ZNF248: variants seen among roughly 807,000 people sequenced by gnomAD.
ZNF248 encodes KRAB protein domain.
ZNF248 carries 20 observed loss-of-function variants against 44.3 expected under a neutral mutation model. The ratio of observed to expected loss-of-function variants is 0.45; its 90% CI spans 0.32 to 0.66. ZNF248 has a LOEUF of 0.66. Ranked by LOEUF, ZNF248 falls within the 30% of genes least tolerant of loss-of-function variation. The pLI is 0.04. For missense variants in ZNF248, 654 were observed against 677.0 expected (o/e 0.97, Z 0.38); for synonymous variants, 224 against 229.0 (o/e 0.98, Z 0.20).
At chr10:37,776,145 A>T (rs2046567361), downstream of ZNF248, 1 of 155,070 alleles carries the variant, frequency 6.4e-6, no homozygotes, top group African/African-American at 2.4e-5. Context: ...GACCATGGAG[A>T]CTGAATGTGG....
chr10:37,822,667 T>G (rs1166806650), intron 6 of ZNF248, among the ~76,000 whole-genome samples: 1 of 151,982 alleles, frequency 6.6e-6, no homozygotes, highest in African/African-American at 2.4e-5. Context: ...TGTCCAATCT[T>G]TTGTCTTCCG....
intron 5 of ZNF248, 34 bp from the exon 6 acceptor site, chr10:37,833,150 C>A (rs2056310065): frequency 6.5e-7 from 1 of 1,538,790 alleles, no homozygotes; most frequent in African/African-American, 1.4e-5. Context: ...ATCTTATGAA[C>A]CTTAATACAT....
chr10:37,831,774 T>C lies in ZNF248; in HGVS notation c.1581A>G (p.Lys527=). The C allele has an allele frequency of 6.2e-7, 1 of 1,613,308 alleles. No individual in the cohort carries two copies. The highest frequency in any genetic ancestry group is 8.5e-7 in the Non-Finnish European group (1 of 1,179,344). Reference sequence around the variant, plus strand: ...TGAGAGCTGATTTTTCACAGAAGGTTTTCCCACATTCATTACACTTATATG... The same window carrying C: ...TGAGAGCTGATTTTTCACAGAAGGTCTTCCCACATTCATTACACTTATATG... ...EKPYKCNECG[K]TFCEKSALTK... Residue 527 remains lysine, a synonymous_variant, in exon 6 of 6, where the codon AAA becomes AAG. Transcript: ENST00000395867.
At chr10:37,834,733 A>G (rs1417737640) in intron 5 of ZNF248, among the ~76,000 whole-genome samples, 2 of 152,248 alleles carry the variant, frequency 1.3e-5, no homozygotes, top group Admixed American at 1.3e-4. Flanking sequence ...CAAGTGAAAT[A>G]ATAAGCCATT....
intron 6 of ZNF248, among the ~76,000 whole-genome samples, chr10:37,781,842 A>G (rs1180223568): frequency 2.0e-5 from 3 of 152,016 alleles, no homozygotes; most frequent in African/African-American, 7.3e-5. Context: ...GTCTCTACCA[A>G]CTCTTTAATA....
chr10:37,803,780 C>T (rs765445650), intron 6 of ZNF248: 1 of 152,738 alleles, frequency 6.5e-6, no homozygotes, highest in Non-Finnish European at 1.5e-5. Context: ...AGGCCTGGGC[C>T]ATCCATGAAT....
At chr10:37,821,056 T>A in intron 6 of ZNF248, 1 of 880,222 alleles carries the variant, frequency 1.1e-6, no homozygotes, top group Non-Finnish European at 1.8e-6. Flanking sequence ...TTTAATCAGT[T>A]ATGCTCACTT....
chr10:37,788,130 T>C (rs905729365), intron 6 of ZNF248, among the ~76,000 whole-genome samples: 2 of 150,408 alleles, frequency 1.3e-5, no homozygotes, highest in Non-Finnish European at 3.0e-5. Context: ...CCAGGTGTAG[T>C]GGTGGGTGCC....
chr10:37,790,256 G>A (rs1158331348), intron 6 of ZNF248, among the ~76,000 whole-genome samples: 1 of 141,264 alleles, frequency 7.1e-6, no homozygotes, highest in Non-Finnish European at 1.5e-5. Flanking sequence ...GGGTGACAGA[G>A]CAAGACTCTG....
intron 6 of ZNF248, among the ~76,000 whole-genome samples, chr10:37,804,198 C>T (rs988579112): frequency 2.7e-5 from 4 of 150,460 alleles, no homozygotes; most frequent in East Asian, 2.0e-4. Flanking sequence ...TTCGCCTCCC[C>T]GGCTCAAGCG....
chr10:37,837,382 G>T (rs924199732), intron 5 of ZNF248, among the ~76,000 whole-genome samples: 1 of 152,128 alleles, frequency 6.6e-6, no homozygotes, highest in African/African-American at 2.4e-5. Context: ...CAAAGTGCTG[G>T]GATTACAGGC....
chr10:37,779,465 C>A (rs909143606), intron 6 of ZNF248, among the ~76,000 whole-genome samples: 3 of 152,034 alleles, frequency 2.0e-5, no homozygotes, highest in Non-Finnish European at 2.9e-5. Context: ...AATTCAACAA[C>A]CCTTCATGCT....
intron 6 of ZNF248, among the ~76,000 whole-genome samples, chr10:37,777,411 T>G (rs923916716): frequency 1.3e-5 from 2 of 152,112 alleles, no homozygotes; most frequent in African/African-American, 4.8e-5. Flanking sequence ...TCTGATTTCC[T>G]CCCTGTTCCC....
At chr10:37,767,705 A>G in the ZNF248 span, among the ~76,000 whole-genome samples, 5 of 152,342 alleles carry the variant, frequency 3.3e-5, no homozygotes, top group South Asian at 1.0e-3. Flanking sequence ...GGCTAGGAAG[A>G]AACTGCATCA....
intron 6 of ZNF248, among the ~76,000 whole-genome samples, chr10:37,782,492 G>A (rs949227293): frequency 1.3e-5 from 2 of 152,038 alleles, no homozygotes; most frequent in African/African-American, 4.8e-5. Context: ...GTTGTGGGTC[G>A]AATTGTGTCC....
intron 6 of ZNF248, among the ~76,000 whole-genome samples, chr10:37,814,047 A>G: frequency 6.6e-6 from 1 of 151,646 alleles, no homozygotes; most frequent in Non-Finnish European, 1.5e-5. Context: ...ATCTACATCT[A>G]TCATTGCGCT....
downstream of ZNF248, among the ~76,000 whole-genome samples, chr10:37,824,214 T>C (rs1250939298): frequency 6.6e-6 from 1 of 152,212 alleles, no homozygotes; most frequent in African/African-American, 2.4e-5. Flanking sequence ...GATATCCAGT[T>C]TGAAGGTCAC....
the ZNF248 span, among the ~76,000 whole-genome samples, chr10:37,761,203 T>G: frequency 6.6e-6 from 1 of 152,238 alleles, no homozygotes; most frequent in Non-Finnish European, 1.5e-5. Context: ...TGGCCCATCT[T>G]GGATTAAATG....
At chr10:37,853,590 G>C (rs2060710404) in intron 3 of ZNF248, among the ~76,000 whole-genome samples, 1 of 152,056 alleles carries the variant, frequency 6.6e-6, no homozygotes, top group African/African-American at 2.4e-5. Context: ...ATGTTGGTCA[G>C]GCTGGTCGCG....
Sources: gnomAD v4.1 joint callset for allele counts (sites outside exome capture counted in the v4.1 genomes callset) on GRCh38, gnomAD v4.1.1 for gene constraint, MANE v1.5 for transcripts, NCBI Gene and HGNC (gene_info 2026-07-23, HGNC 2026-07-21) for gene names.